The following ATF3 variants were observed in gnomAD, a reference collection of about 807,000 sequenced individuals.
ATF3 encodes cyclic AMP-dependent transcription factor ATF-3.
A neutral mutation model predicts 18.4 loss-of-function variants in ATF3; 10 were observed. The observed-to-expected ratio is 0.54, with a 90% CI of 0.34 to 0.92. The LOEUF (loss-of-function observed/expected upper bound fraction) is 0.92, where lower values mean the gene tolerates loss of function less well. Ranked by LOEUF, ATF3 falls within the 40% of genes least tolerant of loss-of-function variation. The pLI, the probability that ATF3 is intolerant of heterozygous loss-of-function variation, is 0.02. For synonymous variants in ATF3, 78 were observed against 87.9 expected, an observed-to-expected ratio of 0.89 and a Z score of 0.63; for missense variants, 183 against 222.3, an observed-to-expected ratio of 0.82 and a Z score of 1.12.
At chr1:212,602,649 T>A (rs549845769) in intron 1 of ATF3, among the ~76,000 whole-genome samples, 1 of 152,302 alleles carries the variant, frequency 6.6e-6, no homozygotes, top group African/African-American at 2.4e-5. Context: ...TTTCCTCATC[T>A]ATAAAATGGA....
At chr1:212,593,990 A>G (rs1664942451) in intron 1 of ATF3, among the ~76,000 whole-genome samples, 1 of 152,240 alleles carries the variant, frequency 6.6e-6, no homozygotes, top group Non-Finnish European at 1.5e-5. Flanking sequence ...TTAGTCCTTG[A>G]GTTGCCTGCA....
At chr1:212,589,030 A>G (rs1271044655) in intron 1 of ATF3, among the ~76,000 whole-genome samples, 1 of 152,222 alleles carries the variant, frequency 6.6e-6, no homozygotes, top group Non-Finnish European at 1.5e-5. Flanking sequence ...TCTAAAATAT[A>G]GCATCGCTTT....
chr1:212,618,823 T>C lies in ATF3; in HGVS notation c.349-535T>C. ...GGGTGGCCGGTGGTGCTCAGCAGTC[T>C]TTCCAGTGGCTGTGTCCCTCCTCCA... On this transcript the variant is annotated intron_variant, in intron 3 of 3. Coordinates refer to ENST00000341491, the MANE Select transcript of ATF3 (RefSeq NM_001674.4). The surrounding 1 kb of genome is among the most constrained non-coding windows in gnomAD (Gnocchi z 4.4). 3 of 618,466 alleles carry C rather than the reference T, an allele frequency of 4.9e-6. No individual in the cohort carries two copies. Among genetic ancestry groups the C allele is most frequent in the Non-Finnish European group, 8.5e-6 (3 of 351,414 alleles). 38.3% of individuals were successfully genotyped at this position (618,466 alleles called of 1,614,324 possible).
chr1:212,614,565 AAG>A (rs2102657208), intron 1 of ATF3, among the ~76,000 whole-genome samples: 1 of 147,188 alleles, frequency 6.8e-6, no homozygotes, highest in African/African-American at 2.5e-5. Context: ...TTTTAAGTGA[AAG>A]AAACTTTATT....
chr1:212,572,311 G>A (rs1320079011), intron 1 of ATF3, among the ~76,000 whole-genome samples: 2 of 152,032 alleles, frequency 1.3e-5, no homozygotes, highest in African/African-American at 2.4e-5. Context: ...GAGGTAGGGG[G>A]TTCGAGACCA....
Position 212,619,000 on chromosome 1 carries a change from T to C in ATF3, c.349-358T>C. 2 of 1,612,892 alleles carry C rather than the reference T, an allele frequency of 1.2e-6. No homozygotes were observed. The highest frequency in any genetic ancestry group is 1.7e-6 in the Non-Finnish European group (2 of 1,178,926). On this transcript the variant is annotated intron_variant, in intron 3 of 3. Transcript: ENST00000341491. This position sits in a 1 kb window ranked among gnomAD's most constrained non-coding sequence, Gnocchi z 4.4. ...GAGATGAGCTTCTCATTGAGATCTG[T>C]GACTCAGAATCGACTAAGCCACCAT...
At chr1:212,573,601 G>A (rs1442109846) in intron 1 of ATF3, among the ~76,000 whole-genome samples, 1 of 151,908 alleles carries the variant, frequency 6.6e-6, no homozygotes, top group Non-Finnish European at 1.5e-5. Flanking sequence ...AAATTAGATA[G>A]ATTTTCCATA....
At chr1:212,574,993 C>T (rs1255758304) in intron 1 of ATF3, among the ~76,000 whole-genome samples, 1 of 150,816 alleles carries the variant, frequency 6.6e-6, no homozygotes, top group East Asian at 1.9e-4. Flanking sequence ...TTAGAATTAG[C>T]TTCTTAAGAA....
intron 1 of ATF3, among the ~76,000 whole-genome samples, chr1:212,579,478 G>A (rs1664640762): frequency 6.6e-6 from 1 of 152,232 alleles, no homozygotes; most frequent in South Asian, 2.1e-4. Context: ...CTGAGTGAAT[G>A]AATGATGGCT....
chr1:212,577,978 T>G (rs1379416538), intron 1 of ATF3, among the ~76,000 whole-genome samples: 3 of 152,242 alleles, frequency 2.0e-5, no homozygotes, highest in African/African-American at 7.2e-5. Flanking sequence ...GTAATTCTAT[T>G]TTTAATTTTT....
chr1:212,607,839 C>T (rs1033908940), upstream of ATF3, among the ~76,000 whole-genome samples: 113 of 152,222 alleles, frequency 7.4e-4, no homozygotes, highest in Non-Finnish European at 2.2e-4. Flanking sequence ...TCCTCCTGGA[C>T]TCCGATCTTT....
rs559185278 is a variant in ATF3, at chr1:212,609,845, G to A, written c.-5+915G>A. On this transcript the variant is annotated intron_variant, in intron 1 of 3. Coordinates refer to ENST00000341491, the MANE Select transcript of ATF3 (RefSeq NM_001674.4). The stretch of plus-strand genomic sequence containing the variant: ...CTGCAATCGATGTCGTTGGGCCTCA[G>A]TATGCGGAGCCGGGAAATAAGGGCA... 1.4e-4 allele frequency among the ~76,000 whole-genome samples: 22 copies of A among 152,352 alleles called. No homozygotes were observed. The South Asian group carries it at 3.5e-3, about 24-fold the overall frequency.
At position 212,575,108 on chromosome 1, in the gene ATF3, G is replaced by A. The variant is rs146336688; in HGVS notation, c.-5+9625G>A. Among the ~76,000 whole-genome samples the A allele has an allele frequency of 8.9e-4, 135 of 152,040 alleles. 2 individuals are homozygous for A. The Middle Eastern group carries it at 0.01, about 12-fold the overall frequency. On this transcript the variant is annotated intron_variant, in intron 1 of 3. Transcript: ENST00000366981. Reference sequence around the variant, plus strand: ...TAATATTTTTATGGGAATCTTGCATGATACCACGACACCAGAGGTGCCACC... The same window carrying A: ...TAATATTTTTATGGGAATCTTGCATAATACCACGACACCAGAGGTGCCACC...
At chr1:212,577,933 T>C (rs915174383) in intron 1 of ATF3, among the ~76,000 whole-genome samples, 1 of 152,240 alleles carries the variant, frequency 6.6e-6, no homozygotes, top group Non-Finnish European at 1.5e-5. Context: ...TTCCTTTGAA[T>C]ACATTACTCA....
At position 212,618,782 on chromosome 1, in the gene ATF3, C is replaced by A; in HGVS notation, c.348+548C>A. 1 of 556,156 alleles carries A rather than the reference C, an allele frequency of 1.8e-6. No homozygotes were observed. Among genetic ancestry groups the A allele is most frequent in the Non-Finnish European group, 3.2e-6 (1 of 311,356 alleles). The allele number at this position is 556,156 out of a possible 1,614,324, so 34.5% of individuals were successfully genotyped here. On this transcript the variant is annotated intron_variant, in intron 3 of 3. Coordinates refer to ENST00000341491, the MANE Select transcript of ATF3 (RefSeq NM_001674.4). This position sits in a 1 kb window ranked among gnomAD's most constrained non-coding sequence, Gnocchi z 4.4. ...GCCTGAGAGACACTAGGGGAAATAG[C>A]TTTTGTGGGCAAGCAGGGTGGCCGG...
At chr1:212,568,373 C>A (rs561865493) in intron 1 of ATF3, among the ~76,000 whole-genome samples, 1 of 152,154 alleles carries the variant, frequency 6.6e-6, no homozygotes, top group Non-Finnish European at 1.5e-5. Flanking sequence ...TATTAAGCCT[C>A]GTCTCTTGAG....
In ATF3 at chr1:212,619,024, A is replaced by T. The variant is rs747106349; in HGVS notation, c.349-334A>T. The T allele has an allele frequency of 4.3e-6, 7 of 1,614,144 alleles. No individual in the cohort carries two copies. Among genetic ancestry groups the T allele is most frequent in the Admixed American group, 1.7e-5 (1 of 60,020 alleles). On this transcript the variant is annotated intron_variant, in intron 3 of 3. Coordinates refer to ENST00000341491, the MANE Select transcript of ATF3 (RefSeq NM_001674.4). This position sits in a 1 kb window ranked among gnomAD's most constrained non-coding sequence, Gnocchi z 4.4. ...GTGACTCAGAATCGACTAAGCCACC[A>T]TAAGTCTGGATTTCTCCCCAGCTCC...
intron 1 of ATF3, among the ~76,000 whole-genome samples, chr1:212,587,734 C>T (rs1379643382): frequency 6.6e-6 from 1 of 152,200 alleles, no homozygotes; most frequent in African/African-American, 2.4e-5. Flanking sequence ...CTCACTCATA[C>T]ATATGTGTGT....
intron 1 of ATF3, among the ~76,000 whole-genome samples, chr1:212,585,776 G>C (rs1263994629): frequency 4.0e-5 from 6 of 150,748 alleles, no homozygotes; most frequent in Non-Finnish European, 8.9e-5. Flanking sequence ...ATTCTTCCTG[G>C]AGGGGTCTCA....
Sources: gnomAD v4.1 joint callset for allele counts (sites outside exome capture counted in the v4.1 genomes callset) on GRCh38, gnomAD v4.1.1 for gene constraint, Gnocchi (gnomAD v3.1) non-coding constraint, MANE v1.5 for transcripts, NCBI Gene and HGNC (gene_info 2026-07-23, HGNC 2026-07-21) for gene names.